The following HTRA2 variants were observed in gnomAD, a reference collection of about 807,000 sequenced individuals.
HTRA2 encodes the protein HtrA serine peptidase 2.
Under a neutral mutation model 42.2 loss-of-function variants are expected in HTRA2, and 24 were observed. That is an observed-to-expected ratio of 0.57 (90% CI 0.41 to 0.80). The LOEUF is 0.80. Among genes scored for constraint, HTRA2 ranks in the 30% least tolerant of loss-of-function variants. The pLI is 0.00. For missense variants in HTRA2, 466 were observed against 613.5 expected, an observed-to-expected ratio of 0.76 and a Z score of 2.54; for synonymous variants, 245 against 255.8, an observed-to-expected ratio of 0.96 and a Z score of 0.40.
At position 74,530,794 on chromosome 2, in the gene HTRA2, C is replaced by T; in HGVS notation, c.684C>T (p.Asp228=). The part of the protein sequence containing the change: ...AVVTAVDPVA[D]IATLRIQTKE... Reference sequence around the variant, plus strand: ...TCACAGCTGTGGATCCCGTGGCAGACATCGCAACGCTGAGGATTCAGACTA... The same window carrying T: ...TCACAGCTGTGGATCCCGTGGCAGATATCGCAACGCTGAGGATTCAGACTA... The change falls in exon 2 of 8, where the codon GAC becomes GAT. Residue 228 remains aspartate (D), a synonymous_variant. Coordinates refer to ENST00000258080, the MANE Select transcript of HTRA2 (RefSeq NM_013247.5). The surrounding 1 kb of genome is among the most constrained non-coding windows in gnomAD (Gnocchi z 7.4). The T allele has an allele frequency of 1.2e-6, 2 of 1,614,210 alleles. No individual in the cohort carries two copies. The highest frequency in any genetic ancestry group is 1.7e-6 in the Non-Finnish European group (2 of 1,180,038).
upstream of HTRA2, chr2:74,529,520 G>A (rs1413718531): frequency 1.2e-5 from 19 of 1,548,920 alleles, no homozygotes; most frequent in Admixed American, 3.9e-5. Flanking sequence ...GAGGCGAAGT[G>A]GTCAGGCGCC....
At position 74,530,274 on chromosome 2, in the gene HTRA2, A is replaced by C; in HGVS notation, c.268A>C (p.Thr90Pro). 6.2e-7 allele frequency: 1 copy of C among 1,606,452 alleles called. No homozygotes were observed. The highest frequency in any genetic ancestry group is 8.5e-7 in the Non-Finnish European group (1 of 1,175,928). ...RAQLTAVTPD[T>P]RTREASENSG... ...ACAACTGACTGCGGTGACCCCAGAT[A>C]CCAGGACCCGGGAGGCCTCAGAGAA... is the stretch of plus-strand genomic sequence containing the variant. The change falls in exon 1 of 8, where the codon ACC becomes CCC. Residue 90 changes from threonine to proline, a missense_variant. Around this residue, in one of 3 missense-constraint regions of HTRA2, gnomAD observed 222 missense variants for 205.1 expected, o/e 1.08. Coordinates refer to ENST00000258080, the MANE Select transcript of HTRA2 (RefSeq NM_013247.5). This position sits in a 1 kb window ranked among gnomAD's most constrained non-coding sequence, Gnocchi z 7.4.
At chr2:74,529,794 C>G (rs1675447004), upstream of HTRA2, 4 of 1,437,742 alleles carry the variant, frequency 2.8e-6, no homozygotes, top group Non-Finnish European at 3.6e-6. Context: ...ACCCCGCGGC[C>G]CCTTGGGCCG....
intron 6 of HTRA2, 50 bp downstream of exon 6, chr2:74,531,975 G>A (rs1165675960): frequency 6.5e-7 from 1 of 1,530,346 alleles, no homozygotes; most frequent in East Asian, 2.2e-5. Context: ...GTAATCAGAG[G>A]GGGGCACCTC....
At chr2:74,529,556 G>T (rs1190996047), upstream of HTRA2, 1 of 1,553,522 alleles carries the variant, frequency 6.4e-7, no homozygotes, top group Admixed American at 1.9e-5. Flanking sequence ...GCGGGGATCG[G>T]TCTCTTCCCG....
chr2:74,531,481 T>C (rs1351172256), intron 4 of HTRA2, 110 bp downstream of exon 4: 1 of 1,608,672 alleles, frequency 6.2e-7, no homozygotes. Flanking sequence ...AGTTCTTTGT[T>C]GGCTATCTCT....
In HTRA2 at chr2:74,532,658, C is replaced by T. The variant is rs150357486; in HGVS notation, c.1155C>T (p.Pro385=). 1.6e-4 allele frequency: 266 copies of T among 1,613,676 alleles called. No individual in the cohort carries two copies. The African/African-American group carries it at 1.7e-3, about 10-fold the overall frequency. ...AELQLREPSF[P]DVQHGVLIHK... ...TACAGCTTCGAGAACCAAGCTTTCC[C>T]GATGTTCAGCATGGTGTACTCATCC... Residue 385 remains proline, a synonymous_variant, in exon 7 of 8, where the codon CCC becomes CCT. Transcript: ENST00000258080.
In HTRA2 at chr2:74,530,332, T is replaced by TGGCGCTG. The variant is rs1558610509; in HGVS notation, c.336_342dup (p.Gly115ArgfsTer25). 1.9e-6 allele frequency: 3 copies of TGGCGCTG among 1,593,290 alleles called. No individual in the cohort carries two copies. The highest frequency in any genetic ancestry group is 2.6e-6 in the Non-Finnish European group (3 of 1,168,166). On this transcript the variant is annotated frameshift_variant, in exon 1 of 8. Transcript: ENST00000258080. LOFTEE classifies it high-confidence loss of function. This position sits in a 1 kb window ranked among gnomAD's most constrained non-coding sequence, Gnocchi z 7.4. ...ACCCGTTCGCGCGCGTGGCTGGCGG[T>TGGCGCTG]GGCGCTGGGCGCTGGGGGGGCAGTG...
chr2:74,531,271 C>T (rs1558612041), intron 3 of HTRA2, 68 bp from the exon 4 acceptor site: 9 of 1,585,790 alleles, frequency 5.7e-6, no homozygotes, highest in South Asian at 1.1e-5. Flanking sequence ...GAGAAAGTAC[C>T]TACATCCTGG....
In HTRA2 at chr2:74,530,304, G is replaced by A. The variant is rs573642218; in HGVS notation, c.298G>A (p.Gly100Arg). ...GACCCGGGAGGCCTCAGAGAACTCT[G>A]GAACCCGTTCGCGCGCGTGGCTGGC... ...TRTREASENS[G>R]TRSRAWLAVA... Residue 100 changes from glycine to arginine, a missense_variant, in exon 1 of 8, where the codon GGA becomes AGA. This residue lies in a region of HTRA2 where 222 missense variants were observed against 205.1 expected (regional missense o/e 1.08). Coordinates refer to ENST00000258080, the MANE Select transcript of HTRA2 (RefSeq NM_013247.5). This position sits in a 1 kb window ranked among gnomAD's most constrained non-coding sequence, Gnocchi z 7.4. 3.7e-6 allele frequency: 6 copies of A among 1,601,116 alleles called. No homozygotes were observed. The East Asian group carries it at 6.8e-5, about 18-fold the overall frequency.
At chr2:74,532,237 A>G (rs992391931) in intron 6 of HTRA2, among the ~76,000 whole-genome samples, 5 of 152,186 alleles carry the variant, frequency 3.3e-5, no homozygotes, top group African/African-American at 1.2e-4. Flanking sequence ...ACCTTCCTAT[A>G]TGAATACTCA....
chr2:74,530,765 G>A lies in HTRA2; in HGVS notation c.655G>A (p.Val219Met). The stretch of plus-strand genomic sequence containing the variant: ...GCTAAGCGGCGACACGTATGAGGCC[G>A]TGGTCACAGCTGTGGATCCCGTGGC... ...RLLSGDTYEA[V>M]VTAVDPVADI... is the part of the protein sequence containing the mutation. Residue 219 changes from valine to methionine, a missense_variant, in exon 2 of 8, where the codon GTG becomes ATG. Val to Met is a conservative substitution (Grantham distance 21). This residue lies in a region of HTRA2 where 115 missense variants were observed against 245.4 expected (regional missense o/e 0.47). Transcript: ENST00000258080. This position sits in a 1 kb window ranked among gnomAD's most constrained non-coding sequence, Gnocchi z 7.4. 1 of 1,614,234 alleles carries A rather than the reference G, an allele frequency of 6.2e-7. No individual in the cohort carries two copies. The highest frequency in any genetic ancestry group is 1.3e-5 in the African/African-American group (1 of 75,064).
intron 3 of HTRA2, 93 bp from the exon 4 acceptor site, chr2:74,531,242 TGAGA>T: frequency 6.4e-7 from 1 of 1,557,750 alleles, no homozygotes; most frequent in Non-Finnish European, 8.9e-7. Context: ...ATTCATGGGC[TGAGA>T]AAGAAGAGAA....
chr2:74,531,094 G>A lies in HTRA2; in HGVS notation c.895G>A (p.Ala299Thr). 1.2e-6 allele frequency: 2 copies of A among 1,614,142 alleles called. No individual in the cohort carries two copies. The highest frequency in any genetic ancestry group is 2.2e-5 in the South Asian group (2 of 91,084). ...CAATGTGGAATACATTCAAACTGAT[G>A]CAGCTATTGATGTGCGTCCTGATAG... ...QTNVEYIQTDAAIDFGNSGGP... is the reference protein window; with the variant it reads ...QTNVEYIQTDTAIDFGNSGGP... The change falls in exon 3 of 8, where the codon GCA becomes ACA. Residue 299 changes from alanine (A) to threonine (T), a missense_variant. Around this residue, in one of 3 missense-constraint regions of HTRA2, gnomAD observed 115 missense variants for 245.4 expected, o/e 0.47. Coordinates refer to ENST00000258080, the MANE Select transcript of HTRA2 (RefSeq NM_013247.5).
chr2:74,529,828 G>A, upstream of HTRA2: 1 of 1,426,200 alleles, frequency 7.0e-7, no homozygotes, highest in Non-Finnish European at 9.2e-7. Context: ...GTCCGGCGGA[G>A]ACCACAATTC....
chr2:74,533,477 C>G, downstream of HTRA2: 1 of 751,794 alleles, frequency 1.3e-6, no homozygotes. Flanking sequence ...CTTGACAGTT[C>G]CACATCCATA....
At chr2:74,529,450 C>T, upstream of HTRA2, 1 of 1,568,332 alleles carries the variant, frequency 6.4e-7, no homozygotes, top group Non-Finnish European at 8.7e-7. Context: ...CAGAACCCGA[C>T]TGGCGCGTAG....
chr2:74,532,647 C>T lies in HTRA2; in HGVS notation c.1144C>T (p.Pro382Ser). The T allele has an allele frequency of 1.2e-6, 2 of 1,613,674 alleles. No homozygotes were observed. Among genetic ancestry groups the T allele is most frequent in the Non-Finnish European group, 1.7e-6 (2 of 1,180,024 alleles). The change falls in exon 7 of 8, where the codon CCA becomes TCA. Residue 382 changes from proline (P) to serine (S), a missense_variant. Pro to Ser is a moderately conservative substitution (Grantham distance 74). Transcript: ENST00000258080. Reference sequence around the variant, plus strand: ...CCTTGCTGAACTACAGCTTCGAGAACCAAGCTTTCCCGATGTTCAGCATGG... The same window carrying T: ...CCTTGCTGAACTACAGCTTCGAGAATCAAGCTTTCCCGATGTTCAGCATGG... ...SILAELQLRE[P>S]SFPDVQHGVL...
In HTRA2 at chr2:74,530,573, A is replaced by C. The variant is rs995241395; in HGVS notation, c.507-44A>C. ...ACAGGCTGGAGGGCGGGCGGGTAGG[A>C]GGGGTCAGAGCCTCCTCTTATCTGT... On this transcript the variant is annotated intron_variant, in intron 1 of 7. Transcript: ENST00000258080. This position sits in a 1 kb window ranked among gnomAD's most constrained non-coding sequence, Gnocchi z 7.4. The C allele has an allele frequency of 1.9e-6, 3 of 1,613,632 alleles. No homozygotes were observed. Among genetic ancestry groups the C allele is most frequent in the Non-Finnish European group, 2.5e-6 (3 of 1,179,976 alleles).
Sources: gnomAD v4.1 joint callset for allele counts (sites outside exome capture counted in the v4.1 genomes callset) on GRCh38, gnomAD v4.1.1 for gene constraint, gnomAD v4.1.1 regional missense constraint, Gnocchi (gnomAD v3.1) non-coding constraint, MANE v1.5 for transcripts, NCBI Gene and HGNC (gene_info 2026-07-23, HGNC 2026-07-21) for gene names.